Variants in UBR4 observed in about 807,000 individuals in gnomAD.
UBR4 encodes E3 ubiquitin-protein ligase UBR4.
Under a neutral mutation model 575.6 loss-of-function variants are expected in UBR4, and 124 were observed. The observed-to-expected ratio is 0.22, with a 90% CI of 0.19 to 0.25. The LOEUF is 0.25. Ranked by LOEUF, UBR4 falls within the 10% of genes least tolerant of loss-of-function variation. UBR4 has a pLI of 1.00. For synonymous variants in UBR4, 2,455 were observed against 2,473.7 expected (o/e 0.99, Z 0.22); for missense variants, 4,818 against 6,478.8 (o/e 0.74, Z 8.80).
At chr1:19,187,328 T>C in intron 12 of UBR4, 27 bp from the exon 13 acceptor site, 1 of 1,610,720 alleles carries the variant, frequency 6.2e-7, no homozygotes, top group Non-Finnish European at 8.5e-7. Flanking sequence ...CAAAGGGCAA[T>C]TAATGATACT....
chr1:19,083,579 G>A (rs568279761), intron 102 of UBR4, among the ~76,000 whole-genome samples: 1 of 152,324 alleles, frequency 6.6e-6, no homozygotes, highest in African/African-American at 2.4e-5. Context: ...CTGTCACACA[G>A]GCTGGAGTGC....
Position 19,076,792 on chromosome 1 carries a change from G to C in UBR4, c.15435C>G (p.Phe5145Leu). The change falls in exon 105 of 106, where the codon TTC (phenylalanine) becomes TTG (leucine). Residue 5145 changes from phenylalanine (F) to leucine (L), a missense_variant. Transcript: ENST00000375254. ...TCTCCACTGGCATGAACTCCTCCTG[G>C]AAGGTTTTCAGGGCTTTGTCGGCAG... ...YEAADKALKT[F>L]QEEFMPVETF... 2 of 1,614,076 alleles carry C rather than the reference G, an allele frequency of 1.2e-6. No individual in the cohort carries two copies. Among genetic ancestry groups the C allele is most frequent in the Non-Finnish European group, 1.7e-6 (2 of 1,179,982 alleles).
At position 19,144,980 on chromosome 1, in the gene UBR4, G is replaced by C. The variant is rs557165156; in HGVS notation, c.7946-73C>G. The C allele has an allele frequency of 1.6e-4, 249 of 1,578,820 alleles. 2 individuals carry two copies. The African/African-American group carries it at 2.4e-3, about 15-fold the overall frequency. ...AACTACTTGAGAGTCTGAGACAAAA[G>C]TGTAACCTTTTATCTCCATGTAAAA... On this transcript the variant is annotated intron_variant, in intron 53 of 105. Transcript: ENST00000375254.
chr1:19,156,984 C>A, intron 40 of UBR4, 59 bp from the exon 41 acceptor site: 1 of 1,561,130 alleles, frequency 6.4e-7, no homozygotes, highest in South Asian at 1.2e-5. Context: ...GAAGTCAAAG[C>A]AAGTAACAAA....
intron 93 of UBR4, 87 bp from the exon 94 acceptor site, chr1:19,095,112 AG>A: frequency 6.3e-7 from 1 of 1,588,830 alleles, no homozygotes; most frequent in Non-Finnish European, 8.6e-7. Context: ...ATGCCCTCAC[AG>A]CCTTACTCCC....
At position 19,110,934 on chromosome 1, in the gene UBR4, T is replaced by C; in HGVS notation, c.11802-102A>G. The C allele has an allele frequency of 8.4e-7, 1 of 1,190,466 alleles. No homozygotes were observed. The highest frequency in any genetic ancestry group is 1.2e-6 in the Non-Finnish European group (1 of 846,446). The allele number at this position is 1,190,466 out of a possible 1,614,324, so 73.7% of individuals were successfully genotyped here. ...GGAAAATGAAATCAATGTCTAAGGCTACCTGGCCCCAAATTTTCTACTTCC... is the reference window on the plus strand; with the variant it reads ...GGAAAATGAAATCAATGTCTAAGGCCACCTGGCCCCAAATTTTCTACTTCC... On this transcript the variant is annotated intron_variant, in intron 78 of 105. Transcript: ENST00000375254. This position sits in a 1 kb window ranked among gnomAD's most constrained non-coding sequence, Gnocchi z 4.5.
chr1:19,129,058 G>C lies in UBR4; in HGVS notation c.8923C>G (p.Leu2975Val). Residue 2975 changes from leucine to valine, a missense_variant, in exon 61 of 106, where the codon CTA (leucine) becomes GTA (valine). This residue lies in a region of UBR4 where 87 missense variants were observed against 82.8 expected (regional missense o/e 1.05). Coordinates refer to ENST00000375254, the MANE Select transcript of UBR4 (RefSeq NM_020765.3). ...TGCAGTAATCTCTCCAACAGCATTA[G>C]ACGGACCATGTGCAGCCTAAAAGGG... Reference protein sequence around the residue: ...HTSNRLHMVRLMLLERLLQTL... With the variant: ...HTSNRLHMVRVMLLERLLQTL... The C allele has an allele frequency of 6.2e-7, 1 of 1,614,100 alleles. No individual in the cohort carries two copies. Among genetic ancestry groups the C allele is most frequent in the Non-Finnish European group, 8.5e-7 (1 of 1,179,984 alleles).
rs35946919 is a variant in UBR4 at position 19,168,977 on chromosome 1, C to CAAA, written c.3741+455_3741+457dup. ...TGGGTGACAGAGCGAGACTCCGTCTCAAAAAAAAAAAAAAAGAAGACTCAG... is the reference window on the plus strand; with the variant it reads ...TGGGTGACAGAGCGAGACTCCGTCTCAAAAAAAAAAAAAAAAAAGAAGACTCAG... On this transcript the variant is annotated intron_variant, in intron 27 of 105. Transcript: ENST00000375254. 1.7e-3 allele frequency among the ~76,000 whole-genome samples: 197 copies of CAAA among 117,110 alleles called. 1 individual carries two copies. Among genetic ancestry groups the CAAA allele is most frequent in the African/African-American group, 4.4e-3 (143 of 32,462 alleles). The allele number at this position is 117,110 out of a possible 152,430, so 76.8% of individuals were successfully genotyped here.
At chr1:19,096,746 T>C in intron 91 of UBR4, 96 bp from the exon 92 acceptor site, 22 of 1,504,250 alleles carry the variant, frequency 1.5e-5, no homozygotes, top group Non-Finnish European at 2.0e-5. Flanking sequence ...GGCTGATGGC[T>C]GACAGCCCTT....
At chr1:19,149,677 A>C in intron 49 of UBR4, 1 of 1,160,570 alleles carries the variant, frequency 8.6e-7, no homozygotes, top group Non-Finnish European at 1.1e-6. Context: ...CAACAGAAGC[A>C]GAATCAATGC....
chr1:19,173,182 T>C lies in UBR4; in HGVS notation c.3290A>G (p.Gln1097Arg). The C allele has an allele frequency of 6.2e-7, 1 of 1,614,234 alleles. No individual in the cohort carries two copies. The highest frequency in any genetic ancestry group is 2.2e-5 in the East Asian group (1 of 44,888). The change falls in exon 24 of 106, where the codon CAG becomes CGG. Residue 1097 changes from glutamine (Q) to arginine (R), a missense_variant and splice_region_variant. Around this residue, in one of 29 missense-constraint regions of UBR4, gnomAD observed 1,172 missense variants for 1,259.7 expected, o/e 0.93. Transcript: ENST00000375254. Reference sequence around the variant, plus strand: ...CATTTAGGTTCCAATATTACATACCTGTCGAGCGAAGTATTCCTCTACTAT... The same window carrying C: ...CATTTAGGTTCCAATATTACATACCCGTCGAGCGAAGTATTCCTCTACTAT... ...VEIVEEYFAR[Q>R]ISSFCSIDCT...
At chr1:19,087,715 T>C (rs1365237516) in intron 99 of UBR4, 101 bp downstream of exon 99, 2 of 894,134 alleles carry the variant, frequency 2.2e-6, no homozygotes, top group East Asian at 2.7e-5. Flanking sequence ...GGCCTTGATC[T>C]TGCCTAGCTA....
At chr1:19,121,101 A>G in intron 68 of UBR4, 88 bp downstream of exon 68, 1 of 1,524,774 alleles carries the variant, frequency 6.6e-7, no homozygotes, top group Middle Eastern at 1.8e-4. Flanking sequence ...TCAGGATTAA[A>G]AGACCTTTTA....
At chr1:19,148,763 T>A (rs990085347) in intron 49 of UBR4, 137 bp from the exon 50 acceptor site, 6 of 869,288 alleles carry the variant, frequency 6.9e-6, no homozygotes, top group Non-Finnish European at 9.0e-6. Context: ...CAATAAGACC[T>A]GCCACAGGCA....
intron 65 of UBR4, 121 bp downstream of exon 65, chr1:19,124,420 A>G: frequency 7.4e-7 from 1 of 1,348,394 alleles, no homozygotes; most frequent in South Asian, 1.5e-5. Flanking sequence ...AAGACCTACA[A>G]AGGTGAAAGG....
At chr1:19,180,253 ATC>A (rs1167349596) in intron 17 of UBR4, among the ~76,000 whole-genome samples, 1 of 151,950 alleles carries the variant, frequency 6.6e-6, no homozygotes, top group African/African-American at 2.4e-5. Flanking sequence ...CGGTTGCACG[ATC>A]TCAGCTCACT....
At chr1:19,151,393 G>C (rs1420014018) in intron 48 of UBR4, 1 of 577,934 alleles carries the variant, frequency 1.7e-6, no homozygotes, top group Non-Finnish European at 3.2e-6. Context: ...TAGTGAGGTG[G>C]ACACAACACT....
Position 19,165,779 on chromosome 1 carries a change from T to G in UBR4, c.4110-22A>C, listed in dbSNP as rs1229364764. 2.5e-6 allele frequency: 4 copies of G among 1,588,268 alleles called. No homozygotes were observed. The South Asian group carries it at 4.5e-5, about 18-fold the overall frequency. Reference sequence around the variant, plus strand: ...TCCACTGAGGATCAAACGGAAAACTTAACCACCAGTATTAAGACCTGTTTC... The same window carrying G: ...TCCACTGAGGATCAAACGGAAAACTGAACCACCAGTATTAAGACCTGTTTC... On this transcript the variant is annotated intron_variant, in intron 29 of 105. Coordinates refer to ENST00000375254, the MANE Select transcript of UBR4 (RefSeq NM_020765.3).
At chr1:19,208,051 A>C (rs2093096866) in intron 1 of UBR4, among the ~76,000 whole-genome samples, 1 of 152,368 alleles carries the variant, frequency 6.6e-6, no homozygotes, top group Non-Finnish European at 1.5e-5. Context: ...CACTGTAAAG[A>C]ACTTGTAAGC....
Sources: gnomAD v4.1 joint callset for allele counts (sites outside exome capture counted in the v4.1 genomes callset) on GRCh38, gnomAD v4.1.1 for gene constraint, gnomAD v4.1.1 regional missense constraint, Gnocchi (gnomAD v3.1) non-coding constraint, MANE v1.5 for transcripts, NCBI Gene and HGNC (gene_info 2026-07-23, HGNC 2026-07-21) for gene names.